ANKMY2: variants seen among roughly 807,000 people sequenced by gnomAD.
ANKMY2 encodes ankyrin repeat and MYND domain containing 2.
In ANKMY2, 36 loss-of-function variants were observed where a neutral mutation model predicts 50.4. The ratio of observed to expected loss-of-function variants is 0.71; its 90% CI spans 0.55 to 0.94. ANKMY2 has a LOEUF of 0.94. Among genes scored for constraint, ANKMY2 ranks in the 40% least tolerant of loss-of-function variants. ANKMY2 has a pLI of 0.00. For missense variants in ANKMY2, 565 were observed against 524.0 expected, an observed-to-expected ratio of 1.08 and a Z score of -0.76; for synonymous variants, 187 against 178.8, an observed-to-expected ratio of 1.05 and a Z score of -0.36.
chr7:16,645,589 G>T lies in ANKMY2; in HGVS notation c.-16C>A. The T allele has an allele frequency of 6.2e-7, 1 of 1,609,664 alleles. No individual in the cohort carries two copies. Among genetic ancestry groups the T allele is most frequent in the Non-Finnish European group, 8.5e-7 (1 of 1,178,070 alleles). ...TGTGAACCATTGCTCCCGCCAGCTT[G>T]AAGGTTATTCCCTTTCTTAGGGAGT... On this transcript the variant is annotated 5_prime_UTR_variant, in exon 1 of 10. Coordinates refer to ENST00000306999, the MANE Select transcript of ANKMY2 (RefSeq NM_020319.3).
intron 5 of ANKMY2, 94 bp downstream of exon 5, chr7:16,615,650 C>T (rs1394325229): frequency 2.3e-5 from 35 of 1,513,876 alleles, no homozygotes; most frequent in Non-Finnish European, 3.1e-5. Context: ...CTACAAAACC[C>T]ACCCCAAGAC....
intron 2 of ANKMY2, among the ~76,000 whole-genome samples, chr7:16,629,668 C>T (rs749736367): frequency 4.6e-5 from 7 of 152,004 alleles, no homozygotes; most frequent in Non-Finnish European, 7.4e-5. Flanking sequence ...GTAGATGGTC[C>T]TGGGTATTAG....
At chr7:16,614,343 C>A (rs191375242) in intron 5 of ANKMY2, among the ~76,000 whole-genome samples, 325 of 152,320 alleles carry the variant, frequency 2.1e-3, no homozygotes, top group Non-Finnish European at 2.8e-3. Context: ...TGAATTTGCC[C>A]ACTTAGTATC....
chr7:16,622,397 G>T (rs1384966744), intron 4 of ANKMY2, among the ~76,000 whole-genome samples: 2 of 152,114 alleles, frequency 1.3e-5, no homozygotes, highest in Non-Finnish European at 2.9e-5. Context: ...CTCTGATGAG[G>T]ATATTACTGT....
intron 7 of ANKMY2, among the ~76,000 whole-genome samples, chr7:16,605,570 TC>T (rs1430813679): frequency 2.0e-5 from 3 of 151,698 alleles, no homozygotes; most frequent in Admixed American, 1.3e-4. Flanking sequence ...CGATCTTGGC[TC>T]ACTGCAACCT....
intron 1 of ANKMY2, 94 bp downstream of exon 1, chr7:16,645,413 A>G: frequency 7.9e-7 from 1 of 1,262,912 alleles, no homozygotes; most frequent in Non-Finnish European, 1.1e-6. Flanking sequence ...GCAGAACCGC[A>G]GCCAAAGGTC....
intron 3 of ANKMY2, among the ~76,000 whole-genome samples, chr7:16,626,538 A>G (rs1781509142): frequency 6.6e-6 from 1 of 152,210 alleles, no homozygotes; most frequent in Non-Finnish European, 1.5e-5. Context: ...AGCTGCACCA[A>G]TTACAGATAA....
In ANKMY2 at chr7:16,602,266, G is replaced by T; in HGVS notation, c.1141+114C>A. On this transcript the variant is annotated intron_variant, in intron 9 of 9. Coordinates refer to ENST00000306999, the MANE Select transcript of ANKMY2 (RefSeq NM_020319.3). ...AAATTTAAATGTGATTCTTACATCGGTCACTCCTGAGCTCCTATGGCTTCC... is the reference window on the plus strand; with the variant it reads ...AAATTTAAATGTGATTCTTACATCGTTCACTCCTGAGCTCCTATGGCTTCC... 4.8e-6 allele frequency: 6 copies of T among 1,242,108 alleles called. No homozygotes were observed. The East Asian group carries it at 9.8e-5, about 20-fold the overall frequency. The allele number at this position is 1,242,108 out of a possible 1,614,324, so 76.9% of individuals were successfully genotyped here.
At chr7:16,618,423 T>C (rs1441337160) in intron 4 of ANKMY2, among the ~76,000 whole-genome samples, 1 of 151,302 alleles carries the variant, frequency 6.6e-6, no homozygotes, top group Non-Finnish European at 1.5e-5. Flanking sequence ...TTAACAGACA[T>C]CTCAAAGGAA....
At chr7:16,628,410 G>A (rs1256707509) in intron 2 of ANKMY2, among the ~76,000 whole-genome samples, 2 of 151,942 alleles carry the variant, frequency 1.3e-5, no homozygotes, top group African/African-American at 2.4e-5. Flanking sequence ...TGGAAGCAAC[G>A]GACATTTCTT....
At chr7:16,621,410 T>C (rs1196509354) in intron 4 of ANKMY2, among the ~76,000 whole-genome samples, 1 of 152,198 alleles carries the variant, frequency 6.6e-6, no homozygotes, top group Non-Finnish European at 1.5e-5. Context: ...TATATAATCA[T>C]TTAGTAAAAG....
chr7:16,603,082 G>T (rs1781098010), intron 8 of ANKMY2, among the ~76,000 whole-genome samples: 1 of 152,172 alleles, frequency 6.6e-6, no homozygotes, highest in Non-Finnish European at 1.5e-5. Flanking sequence ...TATTGATTTA[G>T]ATTTATAGTT....
At chr7:16,601,035 A>C (rs1336542677) in intron 9 of ANKMY2, 90 bp from the exon 10 acceptor site, 6 of 1,026,306 alleles carry the variant, frequency 5.8e-6, no homozygotes, top group Non-Finnish European at 8.2e-6. Context: ...TCTTCCTATC[A>C]ACTACATGAG....
intron 1 of ANKMY2, among the ~76,000 whole-genome samples, chr7:16,645,229 A>T (rs537219645): frequency 1.6e-4 from 25 of 152,184 alleles, no homozygotes; most frequent in African/African-American, 6.0e-4. Context: ...GCTCGCATTA[A>T]CCTAAGGCGG....
intron 2 of ANKMY2, among the ~76,000 whole-genome samples, chr7:16,628,040 T>C (rs1224733842): frequency 6.6e-6 from 1 of 152,232 alleles, no homozygotes; most frequent in Non-Finnish European, 1.5e-5. Flanking sequence ...TTGGTCTCCA[T>C]ATGCTTTGTG....
At chr7:16,601,011 CATGT>C in intron 9 of ANKMY2, 66 bp from the exon 10 acceptor site, 1 of 1,271,292 alleles carries the variant, frequency 7.9e-7, no homozygotes, top group Non-Finnish European at 1.1e-6. Flanking sequence ...CAATGCTTTA[CATGT>C]ATTATTTAAT....
At chr7:16,616,517 T>C (rs1038590560) in intron 4 of ANKMY2, among the ~76,000 whole-genome samples, 8 of 152,178 alleles carry the variant, frequency 5.3e-5, no homozygotes, top group Non-Finnish European at 8.8e-5. Flanking sequence ...AATGGTTCTA[T>C]GAAAGCAAAT....
chr7:16,625,765 C>T (rs1213965748), intron 3 of ANKMY2, among the ~76,000 whole-genome samples: 1 of 152,128 alleles, frequency 6.6e-6, no homozygotes, highest in Non-Finnish European at 1.5e-5. Flanking sequence ...CATGCACTCC[C>T]CCAAATAGTG....
intron 2 of ANKMY2, among the ~76,000 whole-genome samples, chr7:16,634,557 T>C (rs923237802): frequency 2.6e-5 from 4 of 152,142 alleles, no homozygotes; most frequent in African/African-American, 9.7e-5. Flanking sequence ...AGAGGGTTTC[T>C]TCAGAGTGTT....
Sources: gnomAD v4.1 joint callset for allele counts (sites outside exome capture counted in the v4.1 genomes callset) on GRCh38, gnomAD v4.1.1 for gene constraint, MANE v1.5 for transcripts, NCBI Gene and HGNC (gene_info 2026-07-23, HGNC 2026-07-21) for gene names.